LARP4: variants seen among roughly 807,000 people sequenced by gnomAD.
LARP4 encodes the protein la-related protein 4.
Under a neutral mutation model 92.9 loss-of-function variants are expected in LARP4, and 29 were observed. The ratio of observed to expected loss-of-function variants is 0.31; its 90% CI spans 0.23 to 0.43. LARP4 has a LOEUF of 0.43. Ranked by LOEUF, LARP4 falls within the 20% of genes least tolerant of loss-of-function variation. The pLI is 1.00. For synonymous variants in LARP4, 279 were observed against 284.1 expected (o/e 0.98, Z 0.18); for missense variants, 732 against 860.0 (o/e 0.85, Z 1.86).
At chr12:50,407,202 T>C (rs2136287145) in intron 1 of LARP4, among the ~76,000 whole-genome samples, 1 of 152,152 alleles carries the variant, frequency 6.6e-6, no homozygotes, top group East Asian at 1.9e-4. Context: ...TTTTTTGTAT[T>C]TTTAGTAGAG....
chr12:50,472,481 G>C (rs1376656260), intron 13 of LARP4, among the ~76,000 whole-genome samples: 1 of 151,304 alleles, frequency 6.6e-6, no homozygotes, highest in African/African-American at 2.4e-5. Context: ...CATGTTGAGC[G>C]TGAGTCAAGA....
At chr12:50,405,274 T>C (rs1944605131) in intron 1 of LARP4, among the ~76,000 whole-genome samples, 1 of 152,124 alleles carries the variant, frequency 6.6e-6, no homozygotes, top group Non-Finnish European at 1.5e-5. Flanking sequence ...GTTTGGATGA[T>C]TCACAAAGTC....
intron 1 of LARP4, among the ~76,000 whole-genome samples, chr12:50,412,203 T>G (rs556210388): frequency 3.4e-5 from 5 of 148,436 alleles, no homozygotes; most frequent in African/African-American, 1.3e-4. Context: ...TCATTTTTAC[T>G]TTTTGTAAAA....
chr12:50,473,789 C>CGGGGGGTGGGGGTGGGTG (rs1328028050), intron 14 of LARP4, among the ~76,000 whole-genome samples: 1 of 9,366 alleles, frequency 1.1e-4, no homozygotes, highest in African/African-American at 4.3e-4. Context: ...TTGCTTGAAC[C>CGGGGGGTGGGGGTGGGTG]GGGGGGTGGG....
intron 1 of LARP4, among the ~76,000 whole-genome samples, chr12:50,416,723 G>T (rs1036270620): frequency 6.6e-6 from 1 of 152,062 alleles, no homozygotes; most frequent in Non-Finnish European, 1.5e-5. Flanking sequence ...GGTGGTGCAC[G>T]CCTGTAATCC....
chr12:50,432,666 C>T (rs1340047300), intron 4 of LARP4, among the ~76,000 whole-genome samples: 1 of 151,996 alleles, frequency 6.6e-6, no homozygotes, highest in East Asian at 1.9e-4. Flanking sequence ...TCAGTATTAG[C>T]CTGACCAACA....
intron 12 of LARP4, among the ~76,000 whole-genome samples, chr12:50,465,505 C>T (rs1319032539): frequency 6.6e-6 from 1 of 151,986 alleles, no homozygotes; most frequent in African/African-American, 2.4e-5. Context: ...TAGAGGAGCT[C>T]TTTTGCAGGA....
intron 4 of LARP4, among the ~76,000 whole-genome samples, chr12:50,433,264 A>G (rs1452935506): frequency 9.1e-6 from 1 of 110,348 alleles, no homozygotes; most frequent in Non-Finnish European, 1.9e-5. Flanking sequence ...ATCTCCAAAA[A>G]CGTGATTTTT....
intron 13 of LARP4, among the ~76,000 whole-genome samples, chr12:50,471,240 C>A (rs1435846916): frequency 6.6e-6 from 1 of 152,104 alleles, no homozygotes; most frequent in Non-Finnish European, 1.5e-5. Context: ...GTTTACCAAC[C>A]CTTGCGCTAG....
chr12:50,463,572 G>GA (rs1439754677), intron 12 of LARP4, among the ~76,000 whole-genome samples: 2 of 152,080 alleles, frequency 1.3e-5, no homozygotes, highest in Non-Finnish European at 2.9e-5. Flanking sequence ...GAGCAACAGA[G>GA]TGAGACTCTG....
chr12:50,474,300 C>A, intron 15 of LARP4, 133 bp downstream of exon 15: 1 of 672,618 alleles, frequency 1.5e-6, no homozygotes, highest in Non-Finnish European at 2.5e-6. Flanking sequence ...CAGAAAGAAG[C>A]TTAAGGAGTG....
intron 1 of LARP4, among the ~76,000 whole-genome samples, chr12:50,403,770 A>T (rs1433139758): frequency 1.3e-5 from 2 of 152,204 alleles, no homozygotes; most frequent in Non-Finnish European, 2.9e-5. Context: ...ATCCCACTAG[A>T]ATCAGTAGGA....
At chr12:50,402,582 C>T (rs544539317) in intron 1 of LARP4, 61 of 263,476 alleles carry the variant, frequency 2.3e-4, no homozygotes, top group Non-Finnish European at 3.9e-4. Context: ...ATTCCTTTGG[C>T]TTTATTAAAA....
intron 8 of LARP4, among the ~76,000 whole-genome samples, chr12:50,446,918 C>T (rs2137956801): frequency 6.6e-6 from 1 of 152,174 alleles, no homozygotes; most frequent in East Asian, 1.9e-4. Flanking sequence ...TGACTGATTG[C>T]AATTTTAGGA....
At chr12:50,418,488 C>T (rs546401783) in intron 1 of LARP4, among the ~76,000 whole-genome samples, 127 of 152,306 alleles carry the variant, frequency 8.3e-4, no homozygotes, top group Non-Finnish European at 2.9e-4. Flanking sequence ...GAATTCCTCA[C>T]GGCTCTTTTC....
intron 1 of LARP4, among the ~76,000 whole-genome samples, chr12:50,422,953 G>C (rs978973500): frequency 1.3e-5 from 2 of 151,812 alleles, no homozygotes; most frequent in Non-Finnish European, 2.9e-5. Context: ...AAGGAGCTGG[G>C]ATTACAGATG....
chr12:50,454,702 T>C (rs576520772), intron 10 of LARP4: 1 of 262,790 alleles, frequency 3.8e-6, no homozygotes, highest in East Asian at 6.9e-5. Context: ...ATCTGGTGAC[T>C]AATTTCCATT....
chr12:50,429,051 G>C lies in LARP4; in HGVS notation c.283G>C (p.Gly95Arg), dbSNP rs1411987795. 14 of 1,611,184 alleles carry C rather than the reference G, an allele frequency of 8.7e-6. No homozygotes were observed. The highest frequency in any genetic ancestry group is 1.2e-5 in the Non-Finnish European group (14 of 1,179,104). ...IEESTDGMIL[G>R]PEDLSYQIYD... ...AGAATCAACTGATGGGATGATTTTA[G>C]GACCAGAAGATCTGAGTTACCAAAT... The change falls in exon 3 of 16, where the codon GGA becomes CGA. Residue 95 changes from glycine (G) to arginine (R), a missense_variant. Gly to Arg is a moderately radical substitution (Grantham distance 125). This residue lies in a region of LARP4 where 236 missense variants were observed against 307.6 expected (regional missense o/e 0.77). Coordinates refer to ENST00000398473, the MANE Select transcript of LARP4 (RefSeq NM_052879.5).
intron 1 of LARP4, among the ~76,000 whole-genome samples, chr12:50,427,427 A>G (rs1391792068): frequency 6.6e-6 from 1 of 152,018 alleles, no homozygotes; most frequent in Non-Finnish European, 1.5e-5. Flanking sequence ...TGGTGTGTTT[A>G]TAGCTCACTG....
Sources: gnomAD v4.1 joint callset for allele counts (sites outside exome capture counted in the v4.1 genomes callset) on GRCh38, gnomAD v4.1.1 for gene constraint, gnomAD v4.1.1 regional missense constraint, MANE v1.5 for transcripts, NCBI Gene and HGNC (gene_info 2026-07-23, HGNC 2026-07-21) for gene names.